C1QC: variants seen among roughly 807,000 people sequenced by gnomAD.
C1QC encodes complement C1q subcomponent subunit C.
C1QC carries 4 observed loss-of-function variants against 5.9 expected under a neutral mutation model. The observed-to-expected ratio is 0.68, with a 90% CI of 0.33 to 1.55. The LOEUF (loss-of-function observed/expected upper bound fraction) is 1.55. C1QC is among the 40% of genes most tolerant of loss of function. C1QC has a pLI of 0.06. For synonymous variants in C1QC, 166 were observed against 153.8 expected, an observed-to-expected ratio of 1.08 and a Z score of -0.59; for missense variants, 299 against 326.9, an observed-to-expected ratio of 0.91 and a Z score of 0.66.
Position 22,648,011 on chromosome 1 carries a change from C to G in C1QC, c.*228C>G, listed in dbSNP as rs1642407841. The G allele has an allele frequency of 1.9e-6, 1 of 518,162 alleles. No individual in the cohort carries two copies. Among genetic ancestry groups the G allele is most frequent in the Non-Finnish European group, 3.4e-6 (1 of 291,980 alleles). 32.1% of individuals were successfully genotyped at this position (518,162 alleles called of 1,614,324 possible). ...CACTGCTTGTGTGGTTCCTGGGACA[C>G]TTAACCAATGCCTTCTGGTACTGCC... On this transcript the variant is annotated 3_prime_UTR_variant, in exon 3 of 3. Transcript: ENST00000374640.
chr1:22,644,153 G>T lies in C1QC; in HGVS notation c.130G>T (p.Ala44Ser). 1 of 1,587,128 alleles carries T rather than the reference G, an allele frequency of 6.3e-7. No homozygotes were observed. Among genetic ancestry groups the T allele is most frequent in the Non-Finnish European group, 8.6e-7 (1 of 1,167,742 alleles). ...GIPGMPGLPG[A>S]PGKDGYDGLP... The stretch of plus-strand genomic sequence containing the variant: ...CCCAGGGATGCCCGGCCTGCCCGGG[G>T]CACCAGGGAAGGATGGGTACGACGG... Residue 44 changes from alanine (A) to serine (S), a missense_variant, in exon 2 of 3, where the codon GCA (alanine) becomes TCA (serine). Ala to Ser is a moderately conservative substitution (Grantham distance 99). This residue lies in a region of C1QC where 146 missense variants were observed against 144.1 expected (regional missense o/e 1.01). Transcript: ENST00000374640.
chr1:22,646,213 G>A (rs1287647156), intron 2 of C1QC, among the ~76,000 whole-genome samples: 2 of 152,172 alleles, frequency 1.3e-5, no homozygotes, highest in Non-Finnish European at 2.9e-5. Context: ...GGGCTGACGT[G>A]GGCTGAATGG....
chr1:22,647,099 A>G, intron 2 of C1QC, 128 bp from the exon 3 acceptor site: 2 of 1,105,892 alleles, frequency 1.8e-6, no homozygotes, highest in Non-Finnish European at 2.6e-6. Flanking sequence ...TCCTAGGGAG[A>G]TAGCCCATCT....
intron 2 of C1QC, among the ~76,000 whole-genome samples, chr1:22,646,854 A>T (rs1373350751): frequency 6.6e-6 from 1 of 152,220 alleles, no homozygotes; most frequent in Admixed American, 6.5e-5. Context: ...AACATTGTGC[A>T]GGCCAAACAA....
intron 2 of C1QC, among the ~76,000 whole-genome samples, chr1:22,646,152 G>A (rs1002132450): frequency 1.2e-4 from 18 of 152,172 alleles, no homozygotes; most frequent in African/African-American, 4.3e-4. Context: ...TCTCTAACTC[G>A]GCTTCCTCAT....
Position 22,644,059 on chromosome 1 carries a change from G to T in C1QC, c.36G>T (p.Gly12=). 6.3e-7 allele frequency: 1 copy of T among 1,584,552 alleles called. No individual in the cohort carries two copies. The highest frequency in any genetic ancestry group is 8.6e-7 in the Non-Finnish European group (1 of 1,166,446). The change falls in exon 2 of 3, where the codon GGG becomes GGT. Residue 12 remains glycine (G), a synonymous_variant. Coordinates refer to ENST00000374640, the MANE Select transcript of C1QC (RefSeq NM_172369.5). ...DVGPSSLPHL[G]LKLLLLLLLL... Reference sequence around the variant, plus strand: ...GGCCCAGCTCCCTGCCCCACCTTGGGCTGAAGCTGCTGCTGCTCCTGCTGC... The same window carrying T: ...GGCCCAGCTCCCTGCCCCACCTTGGTCTGAAGCTGCTGCTGCTCCTGCTGC...
In C1QC at chr1:22,644,006, C is replaced by G; in HGVS notation, c.-13-5C>G. The G allele has an allele frequency of 6.3e-7, 1 of 1,592,826 alleles. No homozygotes were observed. The highest frequency in any genetic ancestry group is 8.5e-7 in the Non-Finnish European group (1 of 1,171,708). ...GCGGGGACAGCTCAGCTCTCTCCCT[C>G]CCAGTTCCTTCTCCGGGATGGACGT... On this transcript the variant is annotated splice_polypyrimidine_tract_variant and splice_region_variant and intron_variant, in intron 1 of 2. Coordinates refer to ENST00000374640, the MANE Select transcript of C1QC (RefSeq NM_172369.5).
chr1:22,643,968 A>G, intron 1 of C1QC, 43 bp from the exon 2 acceptor site: 1 of 1,564,604 alleles, frequency 6.4e-7, no homozygotes, highest in Non-Finnish European at 8.7e-7. Context: ...GGTTGGGGGC[A>G]GGTGAGGGGC....
intron 2 of C1QC, among the ~76,000 whole-genome samples, chr1:22,644,433 C>T (rs1642336189): frequency 6.6e-6 from 1 of 152,168 alleles, no homozygotes; most frequent in Non-Finnish European, 1.5e-5. Flanking sequence ...CATCTTCCTT[C>T]TCCTCCTTAC....
chr1:22,644,179 A>C lies in C1QC; in HGVS notation c.156A>C (p.Gly52=). ...PGAPGKDGYD[G]LPGPKGEPGI... ...CACCAGGGAAGGATGGGTACGACGG[A>C]CTGCCGGGGCCCAAGGGGGAGCCAG... is the stretch of plus-strand genomic sequence containing the variant. The change falls in exon 2 of 3, where the codon GGA becomes GGC. Residue 52 remains glycine, a synonymous_variant. Coordinates refer to ENST00000374640, the MANE Select transcript of C1QC (RefSeq NM_172369.5). 1 of 1,584,156 alleles carries C rather than the reference A, an allele frequency of 6.3e-7. No homozygotes were observed. Among genetic ancestry groups the C allele is most frequent in the African/African-American group, 1.3e-5 (1 of 74,790 alleles).
At chr1:22,643,788 G>C (rs992413212) in intron 1 of C1QC, 74 bp downstream of exon 1, 109 of 1,325,956 alleles carry the variant, frequency 8.2e-5, no homozygotes, top group Non-Finnish European at 9.9e-5. Context: ...CCTGAAATGT[G>C]GTGCCAGGGG....
At chr1:22,644,983 G>T (rs373808317) in intron 2 of C1QC, among the ~76,000 whole-genome samples, 2 of 152,118 alleles carry the variant, frequency 1.3e-5, no homozygotes, top group African/African-American at 2.4e-5. Context: ...GGAGCCCTGG[G>T]GGGTATGAGT....
rs1570086511 is a variant in C1QC, at chr1:22,647,846, A to C, written c.*63A>C. The stretch of plus-strand genomic sequence containing the variant: ...CTCCCTCAGCTTCCTGCATGGACCC[A>C]CCTTACTGGCCAGTCTGCATCCTTG... On this transcript the variant is annotated 3_prime_UTR_variant, in exon 3 of 3. Coordinates refer to ENST00000374640, the MANE Select transcript of C1QC (RefSeq NM_172369.5). 2 of 1,590,502 alleles carry C rather than the reference A, an allele frequency of 1.3e-6. No individual in the cohort carries two copies. The highest frequency in any genetic ancestry group is 1.7e-6 in the Non-Finnish European group (2 of 1,174,824).
At position 22,644,077 on chromosome 1, in the gene C1QC, C is replaced by T; in HGVS notation, c.54C>T (p.Leu18=). 6.3e-7 allele frequency: 1 copy of T among 1,580,912 alleles called. No individual in the cohort carries two copies. The highest frequency in any genetic ancestry group is 8.6e-7 in the Non-Finnish European group (1 of 1,164,398). The part of the protein sequence containing the change: ...LPHLGLKLLL[L]LLLLPLRGQA... Reference sequence around the variant, plus strand: ...ACCTTGGGCTGAAGCTGCTGCTGCTCCTGCTGCTGCTGCCCCTCAGGGGCC... The same window carrying T: ...ACCTTGGGCTGAAGCTGCTGCTGCTTCTGCTGCTGCTGCCCCTCAGGGGCC... Residue 18 remains leucine (L), a synonymous_variant, in exon 2 of 3, where the codon CTC becomes CTT. Transcript: ENST00000374640.
At chr1:22,645,127 T>C (rs1355496267) in intron 2 of C1QC, among the ~76,000 whole-genome samples, 1 of 152,056 alleles carries the variant, frequency 6.6e-6, no homozygotes, top group Non-Finnish European at 1.5e-5. Context: ...AGGAATGTCC[T>C]TAGGAGTGGT....
At chr1:22,647,180 C>T in intron 2 of C1QC, 47 bp from the exon 3 acceptor site, 1 of 1,594,958 alleles carries the variant, frequency 6.3e-7, no homozygotes, top group Middle Eastern at 1.7e-4. Context: ...GGTCCCTCCT[C>T]CCTGTCCCCC....
chr1:22,647,211 C>A lies in C1QC; in HGVS notation c.182-16C>A. 6.2e-7 allele frequency: 1 copy of A among 1,601,312 alleles called. No homozygotes were observed. The highest frequency in any genetic ancestry group is 8.5e-7 in the Non-Finnish European group (1 of 1,179,772). On this transcript the variant is annotated splice_polypyrimidine_tract_variant and intron_variant, in intron 2 of 2. Coordinates refer to ENST00000374640, the MANE Select transcript of C1QC (RefSeq NM_172369.5). ...CCCCCACCCTATCACTTTCTCTCTG[C>A]CTTCTCCATCTCCAGGAATCCCAGC...
Position 22,647,787 on chromosome 1 carries a change from G to T in C1QC, c.*4G>T. ...CTTCCTGCTCTTCCCCGACTAGGGCGGGCAGATGCGCTCGAGCCCCACGGG... is the reference window on the plus strand; with the variant it reads ...CTTCCTGCTCTTCCCCGACTAGGGCTGGCAGATGCGCTCGAGCCCCACGGG... On this transcript the variant is annotated 3_prime_UTR_variant, in exon 3 of 3. Coordinates refer to ENST00000374640, the MANE Select transcript of C1QC (RefSeq NM_172369.5). 2 of 1,599,528 alleles carry T rather than the reference G, an allele frequency of 1.3e-6. No homozygotes were observed. The highest frequency in any genetic ancestry group is 1.7e-6 in the Non-Finnish European group (2 of 1,179,934).
rs768409903 is a variant in C1QC at position 22,647,812 on chromosome 1, G to A, written c.*29G>A. On this transcript the variant is annotated 3_prime_UTR_variant, in exon 3 of 3. Coordinates refer to ENST00000374640, the MANE Select transcript of C1QC (RefSeq NM_172369.5). Reference sequence around the variant, plus strand: ...GGGCAGATGCGCTCGAGCCCCACGGGCCTTCCACCTCCCTCAGCTTCCTGC... The same window carrying A: ...GGGCAGATGCGCTCGAGCCCCACGGACCTTCCACCTCCCTCAGCTTCCTGC... 6.3e-7 allele frequency: 1 copy of A among 1,598,472 alleles called. No homozygotes were observed. The highest frequency in any genetic ancestry group is 1.1e-5 in the South Asian group (1 of 91,012).
Sources: allele counts gnomAD v4.1 joint callset (sites outside exome capture counted in the v4.1 genomes callset), GRCh38; gene constraint gnomAD v4.1.1; regional missense constraint gnomAD v4.1.1; transcripts MANE v1.5; gene names NCBI Gene and HGNC (gene_info 2026-07-23, HGNC 2026-07-21).